SCFD2: variants seen among roughly 807,000 people sequenced by gnomAD.
SCFD2 encodes the protein sec1 family domain containing 2, also known as sec1 family domain-containing protein 2.
A neutral mutation model predicts 58.9 loss-of-function variants in SCFD2; 54 were observed. The observed-to-expected ratio is 0.92, with a 90% CI of 0.74 to 1.15. The LOEUF (loss-of-function observed/expected upper bound fraction) is 1.15, where lower values mean the gene tolerates loss of function less well. Among genes scored for constraint, SCFD2 ranks in the 50% most tolerant of loss-of-function variants. The probability of loss-of-function intolerance (pLI) is 0.00; values close to 1 mark genes in which losing one functional copy is unlikely to be tolerated. For synonymous variants in SCFD2, 321 were observed against 335.9 expected (o/e 0.96, Z 0.49); for missense variants, 805 against 836.6 (o/e 0.96, Z 0.47).
At chr4:53,261,338 G>C (rs1730822833) in intron 4 of SCFD2, among the ~76,000 whole-genome samples, 1 of 152,000 alleles carries the variant, frequency 6.6e-6, no homozygotes, top group African/African-American at 2.4e-5. Flanking sequence ...ATCTATTCGT[G>C]CTCTTTCAGA....
chr4:53,180,378 G>A (rs1383751666), intron 4 of SCFD2, among the ~76,000 whole-genome samples: 1 of 152,176 alleles, frequency 6.6e-6, no homozygotes, highest in Admixed American at 6.5e-5. Context: ...CATGGAAACT[G>A]AGCAAGCTGC....
chr4:53,326,913 A>G (rs1284188387), intron 2 of SCFD2, among the ~76,000 whole-genome samples: 4 of 152,054 alleles, frequency 2.6e-5, no homozygotes, highest in Non-Finnish European at 5.9e-5. Flanking sequence ...GTATACAGAC[A>G]TTATTTTAGA....
intron 5 of SCFD2, among the ~76,000 whole-genome samples, chr4:53,112,035 T>C (rs1025708657): frequency 1.9e-4 from 29 of 152,228 alleles, no homozygotes; most frequent in South Asian, 8.3e-4. Context: ...TTAGGAATGA[T>C]AGACAAACAG....
intron 6 of SCFD2, among the ~76,000 whole-genome samples, chr4:52,919,132 C>T (rs1048914010): frequency 1.3e-5 from 2 of 152,180 alleles, no homozygotes; most frequent in African/African-American, 4.8e-5. Context: ...GTCTAAGAAA[C>T]TTATTGTCCT....
chr4:52,924,082 G>C (rs1719806665), intron 5 of SCFD2, among the ~76,000 whole-genome samples: 1 of 152,104 alleles, frequency 6.6e-6, no homozygotes, highest in South Asian at 2.1e-4. Flanking sequence ...AGTCAATCCA[G>C]CTAAATAGAC....
chr4:53,235,428 C>T (rs1269259680), intron 4 of SCFD2, among the ~76,000 whole-genome samples: 1 of 152,198 alleles, frequency 6.6e-6, no homozygotes, highest in Non-Finnish European at 1.5e-5. Flanking sequence ...GAAGTTATGC[C>T]TGCTACTACA....
intron 1 of SCFD2, among the ~76,000 whole-genome samples, chr4:53,353,535 TTTTACAGAGAGCTAATTGGTCCA>T (rs1004764650): frequency 6.6e-6 from 1 of 152,138 alleles, no homozygotes; most frequent in Non-Finnish European, 1.5e-5. Flanking sequence ...GAGTGGTCCG[TTTTACAGAGAGCTAATTGGTCCA>T]TTTACAGAGA....
At chr4:52,988,200 C>T (rs142706251) in intron 5 of SCFD2, among the ~76,000 whole-genome samples, 59 of 152,258 alleles carry the variant, frequency 3.9e-4, no homozygotes, top group South Asian at 1.0e-3. Context: ...AGAGAAAATG[C>T]GTTAACTGTA....
intron 3 of SCFD2, among the ~76,000 whole-genome samples, chr4:53,298,526 T>A (rs11133260): frequency 0.71 from 108,560 of 152,074 alleles, 38,935 homozygotes; most frequent in Middle Eastern, 0.8. Context: ...GGGGCAGGGC[T>A]CAGACAAACA....
intron 4 of SCFD2, among the ~76,000 whole-genome samples, chr4:53,266,834 C>T (rs1428209342): frequency 6.6e-6 from 1 of 152,214 alleles, no homozygotes; most frequent in Non-Finnish European, 1.5e-5. Context: ...GATGCTTTAT[C>T]TCCTTCGGCT....
chr4:53,014,239 G>T (rs1377095474), intron 5 of SCFD2, among the ~76,000 whole-genome samples: 1 of 152,174 alleles, frequency 6.6e-6, no homozygotes, highest in Admixed American at 6.5e-5. Context: ...GGCAGTGATT[G>T]TTCCAGGCAA....
At chr4:53,176,469 C>G (rs1577804871) in intron 4 of SCFD2, among the ~76,000 whole-genome samples, 2 of 152,364 alleles carry the variant, frequency 1.3e-5, no homozygotes, top group South Asian at 2.1e-4. Flanking sequence ...TTAGCCAACA[C>G]AGAAACACTC....
At chr4:53,031,836 G>C (rs1404936893) in intron 5 of SCFD2, among the ~76,000 whole-genome samples, 26 of 152,144 alleles carry the variant, frequency 1.7e-4, no homozygotes, top group Admixed American at 1.7e-3. Flanking sequence ...GTGACGAGGA[G>C]AATGGAACCA....
chr4:52,926,455 T>C (rs1577833094), intron 5 of SCFD2, among the ~76,000 whole-genome samples: 1 of 152,074 alleles, frequency 6.6e-6, no homozygotes, highest in South Asian at 2.1e-4. Flanking sequence ...GCAAAAATCA[T>C]GCACGTGTGG....
At chr4:53,249,825 G>T (rs564501808) in intron 4 of SCFD2, among the ~76,000 whole-genome samples, 91 of 152,242 alleles carry the variant, frequency 6.0e-4, no homozygotes, top group African/African-American at 2.1e-3. Context: ...AGGAACAACC[G>T]GTACCAGCCA....
Position 52,959,897 on chromosome 4 carries a change from A to AACACAC in SCFD2, c.1562-39033_1562-39028dup, listed in dbSNP as rs10529140. Among the ~76,000 whole-genome samples, 692 of 138,202 alleles carry AACACAC rather than the reference A, an allele frequency of 5.0e-3. 14 individuals carry two copies. Among genetic ancestry groups the AACACAC allele is most frequent in the African/African-American group, 0.017 (625 of 36,972 alleles). The allele number at this position is 138,202 out of a possible 152,430, so 90.7% of individuals were successfully genotyped here. A position where few individuals can be genotyped will look rare whatever the true frequency, so the allele number is the denominator to read the frequency against. On this transcript the variant is annotated intron_variant, in intron 5 of 8. Transcript: ENST00000401642. ...GAGGAAGAGAGAGACTCCAAATTGA[A>AACACAC]ACACACACACACACACACACACACA...
At chr4:53,281,222 A>G (rs1731498602) in intron 3 of SCFD2, among the ~76,000 whole-genome samples, 1 of 152,226 alleles carries the variant, frequency 6.6e-6, no homozygotes, top group South Asian at 2.1e-4. Context: ...ATTTATAGAA[A>G]TTTAGCATGC....
intron 5 of SCFD2, among the ~76,000 whole-genome samples, chr4:52,964,616 T>C (rs1172757365): frequency 6.6e-6 from 1 of 152,102 alleles, no homozygotes; most frequent in East Asian, 1.9e-4. Context: ...GTTTGCAATG[T>C]CAAGACAATA....
intron 5 of SCFD2, among the ~76,000 whole-genome samples, chr4:53,102,165 A>G (rs9993297): frequency 0.99 from 151,237 of 152,286 alleles, 75,106 homozygotes; most frequent in Middle Eastern, 1. Flanking sequence ...CTGGGGCAGC[A>G]AAGAACATTT....
Sources: allele counts gnomAD v4.1 joint callset (sites outside exome capture counted in the v4.1 genomes callset), GRCh38; gene constraint gnomAD v4.1.1; transcripts MANE v1.5; gene names NCBI Gene and HGNC (gene_info 2026-07-23, HGNC 2026-07-21).